RIGI: variants seen among roughly 807,000 people sequenced by gnomAD.
RIGI encodes antiviral innate immune response receptor RIG-I.
the RIGI span, chr9:32,473,147 A>G: frequency 2.0e-6 from 2 of 995,314 alleles, no homozygotes; most frequent in Admixed American, 2.7e-5. Flanking sequence ...ATGCAAAAAG[A>G]AAAAAATTTA....
the RIGI span, among the ~76,000 whole-genome samples, chr9:32,516,821 T>C: frequency 1.3e-5 from 2 of 152,242 alleles, no homozygotes; most frequent in South Asian, 4.1e-4. Flanking sequence ...TTCTCTCAAT[T>C]TGGAAAATTC....
chr9:32,485,352 A>C, the RIGI span: 1 of 1,085,786 alleles, frequency 9.2e-7, no homozygotes, highest in Non-Finnish European at 1.4e-6. Context: ...ATTGTAGTTC[A>C]AAGTAGGTAT....
chr9:32,486,590 T>C, the RIGI span, among the ~76,000 whole-genome samples: 1 of 150,462 alleles, frequency 6.6e-6, no homozygotes, highest in Non-Finnish European at 1.5e-5. Flanking sequence ...AGAGTAGTCA[T>C]GTATATTCCA....
the RIGI span, chr9:32,487,723 G>A: frequency 6.1e-6 from 9 of 1,483,372 alleles, no homozygotes; most frequent in Non-Finnish European, 8.2e-6. Context: ...CTGGGGTAGG[G>A]CGTTTTTTTG....
the RIGI span, chr9:32,456,350 A>C: frequency 6.6e-6 from 1 of 151,936 alleles, no homozygotes; most frequent in Non-Finnish European, 1.5e-5. Flanking sequence ...ACATACAGCA[A>C]CTCTACAGTG....
chr9:32,467,022 G>C, the RIGI span, among the ~76,000 whole-genome samples: 3 of 152,162 alleles, frequency 2.0e-5, no homozygotes, highest in Non-Finnish European at 4.4e-5. Context: ...AAGGTTATAG[G>C]CTTTATATGT....
At chr9:32,478,291 C>A in the RIGI span, among the ~76,000 whole-genome samples, 1 of 152,210 alleles carries the variant, frequency 6.6e-6, no homozygotes, top group Admixed American at 6.5e-5. Context: ...GTGGCCCACC[C>A]ATCTCAGCCT....
At chr9:32,469,120 G>A in the RIGI span, among the ~76,000 whole-genome samples, 2 of 152,092 alleles carry the variant, frequency 1.3e-5, no homozygotes, top group African/African-American at 4.8e-5. Flanking sequence ...AGGAGCCTGG[G>A]TCCCTACAAT....
At chr9:32,467,686 A>G in the RIGI span, 1 of 1,394,580 alleles carries the variant, frequency 7.2e-7, no homozygotes, top group East Asian at 2.4e-5. Context: ...GTAAAGAGAA[A>G]GGCCAGAATG....
chr9:32,492,635 T>A, the RIGI span: 1 of 1,439,492 alleles, frequency 6.9e-7, no homozygotes, highest in Non-Finnish European at 9.6e-7. Flanking sequence ...CTATCTGATT[T>A]AAAGCCATTG....
chr9:32,488,729 C>A, the RIGI span: 1 of 1,600,562 alleles, frequency 6.2e-7, no homozygotes, highest in South Asian at 1.1e-5. Flanking sequence ...AACTATTATA[C>A]CTACCCATGT....
At chr9:32,478,142 C>T in the RIGI span, among the ~76,000 whole-genome samples, 6 of 151,832 alleles carry the variant, frequency 4.0e-5, no homozygotes, top group African/African-American at 1.5e-4. Context: ...TTTCTGAGTT[C>T]AAGCGATTCT....
At chr9:32,508,400 G>A in the RIGI span, among the ~76,000 whole-genome samples, 4 of 151,750 alleles carry the variant, frequency 2.6e-5, no homozygotes, top group Non-Finnish European at 2.9e-5. Context: ...AGAGGTACCC[G>A]GTTCACCTCA....
At chr9:32,463,969 G>A in the RIGI span, among the ~76,000 whole-genome samples, 2 of 149,078 alleles carry the variant, frequency 1.3e-5, no homozygotes, top group Non-Finnish European at 3.0e-5. Flanking sequence ...ATCCTGAAGC[G>A]TCCACCATGG....
the RIGI span, among the ~76,000 whole-genome samples, chr9:32,491,769 TCTGA>T: frequency 1.3e-5 from 2 of 151,766 alleles, no homozygotes; most frequent in African/African-American, 4.8e-5. Context: ...GTCTTCCTTT[TCTGA>T]CTGACTCTTG....
At chr9:32,482,099 T>C in the RIGI span, among the ~76,000 whole-genome samples, 1 of 152,164 alleles carries the variant, frequency 6.6e-6, no homozygotes, top group Non-Finnish European at 1.5e-5. Context: ...ACTGTGCTGC[T>C]GGATAATATG....
chr9:32,506,134 C>T, the RIGI span, among the ~76,000 whole-genome samples: 10 of 152,182 alleles, frequency 6.6e-5, no homozygotes, highest in African/African-American at 2.4e-4. Context: ...AGGAAAATCA[C>T]TTAAACCTGG....
chr9:32,491,387 T>A, the RIGI span: 1 of 1,611,942 alleles, frequency 6.2e-7, no homozygotes, highest in Non-Finnish European at 8.5e-7. Flanking sequence ...TTCCATCTTA[T>A]CCTCAAGATC....
At chr9:32,477,320 C>T in the RIGI span, among the ~76,000 whole-genome samples, 68 of 152,268 alleles carry the variant, frequency 4.5e-4, no homozygotes, top group Middle Eastern at 3.4e-3. Context: ...AAACATAATA[C>T]ACACACATCT....
Sources: gnomAD v4.1 joint callset for allele counts (sites outside exome capture counted in the v4.1 genomes callset) on GRCh38, gnomAD v4.1.1 for gene constraint, MANE v1.5 for transcripts, NCBI Gene and HGNC (gene_info 2026-07-23, HGNC 2026-07-21) for gene names.